Variants in RSPO2 observed in about 807,000 individuals in gnomAD.
RSPO2 encodes the protein R-spondin-2.
In RSPO2, 14 loss-of-function variants were observed where a neutral mutation model predicts 30.9. That is an observed-to-expected ratio of 0.45 (90% CI 0.30 to 0.71). The LOEUF (loss-of-function observed/expected upper bound fraction) is 0.71. Among genes scored for constraint, RSPO2 ranks in the 30% least tolerant of loss-of-function variants. The pLI, the probability that RSPO2 is intolerant of heterozygous loss-of-function variation, is 0.08. For missense variants in RSPO2, 264 were observed against 301.9 expected, an observed-to-expected ratio of 0.87 and a Z score of 0.93; for synonymous variants, 107 against 96.4, an observed-to-expected ratio of 1.11 and a Z score of -0.64.
At chr8:107,933,139 T>C (rs547787653) in intron 5 of RSPO2, among the ~76,000 whole-genome samples, 11 of 152,232 alleles carry the variant, frequency 7.2e-5, no homozygotes, top group African/African-American at 2.4e-4. Context: ...TGCAACTTTC[T>C]CATCAACACT....
chr8:107,917,794 A>G (rs1812025323), intron 5 of RSPO2, among the ~76,000 whole-genome samples: 1 of 152,180 alleles, frequency 6.6e-6, no homozygotes, highest in Non-Finnish European at 1.5e-5. Context: ...GACTTAGTGT[A>G]TGTCATTAAT....
chr8:108,057,297 G>A (rs997498795), intron 2 of RSPO2, among the ~76,000 whole-genome samples: 4 of 152,024 alleles, frequency 2.6e-5, no homozygotes, highest in African/African-American at 7.2e-5. Flanking sequence ...TATTTATGTA[G>A]AAGGGAAAAA....
intron 2 of RSPO2, among the ~76,000 whole-genome samples, chr8:108,076,919 G>A (rs975133767): frequency 1.3e-5 from 2 of 152,122 alleles, no homozygotes; most frequent in Non-Finnish European, 2.9e-5. Flanking sequence ...GAAGAGAATG[G>A]ACAGAAAATA....
intron 2 of RSPO2, among the ~76,000 whole-genome samples, chr8:108,008,254 G>C (rs1004579628): frequency 1.3e-5 from 2 of 152,028 alleles, no homozygotes; most frequent in African/African-American, 4.8e-5. Flanking sequence ...CAAATTTCTT[G>C]CTTTTTTTCT....
At chr8:108,065,689 C>A (rs2130714387) in intron 2 of RSPO2, among the ~76,000 whole-genome samples, 1 of 152,016 alleles carries the variant, frequency 6.6e-6, no homozygotes, top group South Asian at 2.1e-4. Flanking sequence ...TTTACTGTCC[C>A]CTGCCCACAG....
chr8:107,940,775 G>A (rs908694156), intron 5 of RSPO2, among the ~76,000 whole-genome samples: 2 of 152,084 alleles, frequency 1.3e-5, no homozygotes, highest in Admixed American at 6.6e-5. Context: ...ACAGCTATTT[G>A]CAAAATTTTA....
intron 2 of RSPO2, among the ~76,000 whole-genome samples, chr8:108,066,575 T>TCAC (rs771449335): frequency 8.5e-5 from 13 of 152,166 alleles, no homozygotes; most frequent in Non-Finnish European, 1.6e-4. Context: ...TACATGAAGC[T>TCAC]CACCCACTGT....
At position 107,960,716 on chromosome 8, in the gene RSPO2, G is replaced by A. The variant is rs764147792; in HGVS notation, c.385C>T (p.Pro129Ser). The change falls in exon 4 of 6, where the codon CCA (proline) becomes TCA (serine). Residue 129 changes from proline to serine, a missense_variant. Physicochemically the swap from Pro to Ser is moderately conservative, Grantham distance 74. Coordinates refer to ENST00000276659, the MANE Select transcript of RSPO2 (RefSeq NM_178565.5). The part of the protein sequence containing the change: ...LHRGRCFDEC[P>S]DGFAPLEETM... ...TCTTCTAATGGTGCAAAACCATCTG[G>A]ACATTCATCAAAGCAACGGCCTCTA... 4 of 1,613,290 alleles carry A rather than the reference G, an allele frequency of 2.5e-6. No individual in the cohort carries two copies. The highest frequency in any genetic ancestry group is 3.4e-6 in the Non-Finnish European group (4 of 1,179,680).
chr8:107,945,934 C>T (rs922289890), intron 5 of RSPO2, among the ~76,000 whole-genome samples: 4 of 152,252 alleles, frequency 2.6e-5, no homozygotes, highest in East Asian at 3.9e-4. Context: ...TGAGGTGAAA[C>T]GAGTTCACCT....
At chr8:107,921,277 TAC>T (rs71308759) in intron 5 of RSPO2, among the ~76,000 whole-genome samples, 4,091 of 148,780 alleles carry the variant, frequency 0.027, 116 homozygotes, top group South Asian at 0.087. Flanking sequence ...TAGCAGATTT[TAC>T]ACACACACAC....
chr8:108,082,760 G>C lies in RSPO2; in HGVS notation c.-122C>G, dbSNP rs1044182964. On this transcript the variant is annotated 5_prime_UTR_variant, in exon 2 of 6. Coordinates refer to ENST00000276659, the MANE Select transcript of RSPO2 (RefSeq NM_178565.5). ...AGAGGGAGACTCGCCACTCACCCCC[G>C]GGCCGCACCGGTCAGTTCAGCGCGA... is the stretch of plus-strand genomic sequence containing the variant. 7 of 720,354 alleles carry C rather than the reference G, an allele frequency of 9.7e-6. No homozygotes were observed. In the Admixed American group the frequency reaches 9.9e-5, roughly 10 times the overall value. 44.6% of individuals were successfully genotyped at this position (720,354 alleles called of 1,614,324 possible). A position where few individuals can be genotyped will look rare whatever the true frequency, so the allele number is the denominator to read the frequency against.
chr8:107,994,476 A>C (rs1026965697), intron 2 of RSPO2, among the ~76,000 whole-genome samples: 31 of 152,162 alleles, frequency 2.0e-4, no homozygotes, highest in African/African-American at 7.5e-4. Context: ...CATCTAAGAT[A>C]AGTTAATACC....
At chr8:107,904,554 G>A (rs1439694384) in intron 5 of RSPO2, among the ~76,000 whole-genome samples, 1 of 152,000 alleles carries the variant, frequency 6.6e-6, no homozygotes, top group Non-Finnish European at 1.5e-5. Context: ...GCACTGTTAT[G>A]CAGATGCAAG....
intron 2 of RSPO2, among the ~76,000 whole-genome samples, chr8:108,074,943 A>C (rs1317666049): frequency 6.6e-6 from 1 of 152,182 alleles, no homozygotes; most frequent in Non-Finnish European, 1.5e-5. Context: ...AACTTGTTCT[A>C]AAATACACAC....
intron 2 of RSPO2, among the ~76,000 whole-genome samples, chr8:108,036,349 G>T (rs950076272): frequency 6.6e-6 from 1 of 152,180 alleles, no homozygotes; most frequent in Non-Finnish European, 1.5e-5. Flanking sequence ...TCTGTTTACA[G>T]CATGGTTTAC....
chr8:107,901,195 A>G lies in RSPO2; in HGVS notation c.617-5T>C. On this transcript the variant is annotated splice_polypyrimidine_tract_variant and splice_region_variant and intron_variant, in intron 5 of 5. Transcript: ENST00000276659. The stretch of plus-strand genomic sequence containing the variant: ...TCGCCTTTGGTGTTCTCTTCCCTGC[A>G]ATGAAGGAAAGAAAAGAAGAGATGT... 1 of 1,608,146 alleles carries G rather than the reference A, an allele frequency of 6.2e-7. No individual in the cohort carries two copies. Among genetic ancestry groups the G allele is most frequent in the South Asian group, 1.1e-5 (1 of 89,916 alleles).
At chr8:107,947,923 G>A (rs556656766) in intron 5 of RSPO2, among the ~76,000 whole-genome samples, 2 of 152,346 alleles carry the variant, frequency 1.3e-5, no homozygotes, top group East Asian at 1.9e-4. Flanking sequence ...TTGGGTGCAT[G>A]AGGCACATTC....
chr8:108,043,155 C>G (rs749830086), intron 2 of RSPO2, among the ~76,000 whole-genome samples: 19 of 152,090 alleles, frequency 1.2e-4, no homozygotes, highest in Non-Finnish European at 2.5e-4. Flanking sequence ...AAGATAAGAG[C>G]AATTATGGAA....
chr8:107,937,582 T>C (rs893171313), intron 5 of RSPO2, among the ~76,000 whole-genome samples: 6 of 150,136 alleles, frequency 4.0e-5, no homozygotes, highest in African/African-American at 1.5e-4. Context: ...GCTCTTTTTA[T>C]TTCTTTGCTA....
Sources: allele counts gnomAD v4.1 joint callset (sites outside exome capture counted in the v4.1 genomes callset), GRCh38; gene constraint gnomAD v4.1.1; transcripts MANE v1.5; gene names NCBI Gene and HGNC (gene_info 2026-07-23, HGNC 2026-07-21).